The following ZAP70 variants were observed in gnomAD, a reference collection of about 807,000 sequenced individuals.
The protein encoded by ZAP70 is zeta chain of T cell receptor associated protein kinase 70.
Under a neutral mutation model 65.8 loss-of-function variants are expected in ZAP70, and 27 were observed. That is an observed-to-expected ratio of 0.41 (90% CI 0.30 to 0.57). The LOEUF (loss-of-function observed/expected upper bound fraction) is 0.57. ZAP70 is among the 20% of genes least tolerant of loss of function. The pLI is 0.28. For missense variants in ZAP70, 696 were observed against 870.5 expected (o/e 0.80, Z 2.52); for synonymous variants, 363 against 360.8 (o/e 1.01, Z -0.07).
chr2:97,746,228 A>T, the ZAP70 span, among the ~76,000 whole-genome samples: 1 of 152,232 alleles, frequency 6.6e-6, no homozygotes, highest in Non-Finnish European at 1.5e-5. Flanking sequence ...ATGATGGAAA[A>T]GTTCGGAAAT....
intron 1 of ZAP70, 55 bp from the exon 2 acceptor site, chr2:97,713,861 G>T (rs892886225): frequency 1.3e-5 from 2 of 152,566 alleles, no homozygotes; most frequent in African/African-American, 4.8e-5. Flanking sequence ...CAGGCTGGGG[G>T]CTTGGGCTGC....
In ZAP70 at chr2:97,717,433, T is replaced by C. The variant is rs1378412190; in HGVS notation, c.-22+3439T>C. On this transcript the variant is annotated intron_variant, in intron 2 of 13. Transcript: ENST00000264972. ...CTCTGAGCCTCTGGCTGGGGTGACA[T>C]GTGGAGCCTCTGGCTGGGGGGACAC... 6.9e-5 allele frequency among the ~76,000 whole-genome samples: 9 copies of C among 131,152 alleles called. 1 individual carries two copies. The highest frequency in any genetic ancestry group is 2.3e-4 in the East Asian group (1 of 4,298). The allele number at this position is 131,152 out of a possible 152,430, so 86.0% of individuals were successfully genotyped here.
intron 10 of ZAP70, among the ~76,000 whole-genome samples, chr2:97,735,813 A>G (rs747200739): frequency 2.6e-5 from 4 of 152,178 alleles, no homozygotes; most frequent in African/African-American, 9.7e-5. Flanking sequence ...AGAGATCCAG[A>G]CCATCCTGGC....
At chr2:97,716,631 C>T (rs1024395809) in intron 2 of ZAP70, among the ~76,000 whole-genome samples, 19 of 152,150 alleles carry the variant, frequency 1.2e-4, no homozygotes, top group Non-Finnish European at 2.4e-4. Flanking sequence ...AGTACAAAGG[C>T]CCTGAGGCTG....
chr2:97,717,076 A>G (rs1044983307), intron 2 of ZAP70, among the ~76,000 whole-genome samples: 6 of 152,240 alleles, frequency 3.9e-5, no homozygotes, highest in African/African-American at 1.4e-4. Flanking sequence ...GGCGTCACCA[A>G]GCTGGCGTGT....
chr2:97,720,960 C>A (rs1677131327), intron 2 of ZAP70, among the ~76,000 whole-genome samples: 2 of 152,168 alleles, frequency 1.3e-5, no homozygotes, highest in Admixed American at 1.3e-4. Context: ...CAAAAGCATT[C>A]ATTTTACCCC....
Position 97,739,595 on chromosome 2 carries a change from CCA to C in ZAP70, c.*104_*105del. 1 of 1,506,324 alleles carries C rather than the reference CCA, an allele frequency of 6.6e-7. No individual in the cohort carries two copies. Among genetic ancestry groups the C allele is most frequent in the Non-Finnish European group, 8.9e-7 (1 of 1,118,420 alleles). The allele number at this position is 1,506,324 out of a possible 1,614,324, so 93.3% of individuals were successfully genotyped here. A position where few individuals can be genotyped will look rare whatever the true frequency, so the allele number is the denominator to read the frequency against. Reference sequence around the variant, plus strand: ...CTGGCTGAGCCCTGCTTGGTTGTCTCCACACACAGCTGGGCTGTGGTAGGGGG... The same window carrying C: ...CTGGCTGAGCCCTGCTTGGTTGTCTCCACACAGCTGGGCTGTGGTAGGGGG... On this transcript the variant is annotated 3_prime_UTR_variant, in exon 14 of 14. Transcript: ENST00000264972.
chr2:97,746,832 A>G, the ZAP70 span, among the ~76,000 whole-genome samples: 1 of 152,228 alleles, frequency 6.6e-6, no homozygotes, highest in African/African-American at 2.4e-5. Flanking sequence ...TATATTGGGG[A>G]AGAATCTAAC....
the ZAP70 span, among the ~76,000 whole-genome samples, chr2:97,746,424 T>C: frequency 6.6e-6 from 1 of 152,188 alleles, no homozygotes; most frequent in Non-Finnish European, 1.5e-5. Flanking sequence ...TAAAATACAA[T>C]GGAAGGTCTC....
chr2:97,726,063 C>T (rs922364214), intron 4 of ZAP70, among the ~76,000 whole-genome samples: 1 of 152,122 alleles, frequency 6.6e-6, no homozygotes, highest in Non-Finnish European at 1.5e-5. Context: ...AGCAGTACCT[C>T]CCCTCAGGAT....
intron 4 of ZAP70, among the ~76,000 whole-genome samples, chr2:97,729,267 G>A (rs1677510192): frequency 6.6e-6 from 1 of 152,214 alleles, no homozygotes; most frequent in African/African-American, 2.4e-5. Flanking sequence ...AGGAAACCGA[G>A]GCACAGCGAG....
At chr2:97,753,647 G>T in the ZAP70 span, among the ~76,000 whole-genome samples, 3 of 152,022 alleles carry the variant, frequency 2.0e-5, no homozygotes, top group Non-Finnish European at 4.4e-5. Context: ...ATTTAAAAAA[G>T]ATTATACCTT....
In ZAP70 at chr2:97,735,468, G is replaced by T; in HGVS notation, c.1289+12G>T. 1 of 1,604,622 alleles carries T rather than the reference G, an allele frequency of 6.2e-7. No individual in the cohort carries two copies. Among genetic ancestry groups the T allele is most frequent in the Non-Finnish European group, 8.5e-7 (1 of 1,173,924 alleles). On this transcript the variant is annotated intron_variant, in intron 10 of 13. Transcript: ENST00000264972. ...CTGGTCGGCAAGAGGTGAGCACCGG[G>T]TGGGCCCGGCCATCGGGTGGGTGGG...
chr2:97,720,644 G>A (rs888155890), intron 2 of ZAP70, among the ~76,000 whole-genome samples: 9 of 152,168 alleles, frequency 5.9e-5, no homozygotes, highest in African/African-American at 1.4e-4. Flanking sequence ...GAGCCACTTC[G>A]CCCAGCCGCT....
Position 97,733,321 on chromosome 2 carries a change from C to G in ZAP70, c.815C>G (p.Ala272Gly), listed in dbSNP as rs1677697403. Residue 272 changes from alanine to glycine, a missense_variant, in exon 7 of 14, where the codon GCC becomes GGC. This residue lies in a region of ZAP70 where 551 missense variants were observed against 630.0 expected (regional missense o/e 0.87). Transcript: ENST00000264972. ...GGGGCTGCTGCTCCCACACTCCCAGCCCACCCATCCACGTTGACTCATGTG... is the reference window on the plus strand; with the variant it reads ...GGGGCTGCTGCTCCCACACTCCCAGGCCACCCATCCACGTTGACTCATGTG... ...ASGAAAPTLP[A>G]HPSTLTHPQR... is the part of the protein sequence containing the mutation. 2 of 1,597,600 alleles carry G rather than the reference C, an allele frequency of 1.3e-6. No individual in the cohort carries two copies.
intron 2 of ZAP70, among the ~76,000 whole-genome samples, chr2:97,720,504 CGG>C (rs200591115): frequency 0.082 from 12,430 of 152,152 alleles, 585 homozygotes; most frequent in Middle Eastern, 0.16. Context: ...TGTGGGCCAC[CGG>C]GCCCAGCCAT....
downstream of ZAP70, among the ~76,000 whole-genome samples, chr2:97,744,088 C>T (rs1678190020): frequency 6.6e-6 from 1 of 152,200 alleles, no homozygotes; most frequent in Admixed American, 6.5e-5. Context: ...ACAGATGAGG[C>T]ACCGGAAGTT....
Position 97,719,562 on chromosome 2 carries a change from G to A in ZAP70, c.-21-4454G>A, listed in dbSNP as rs75790961. 1.7e-3 allele frequency among the ~76,000 whole-genome samples: 257 copies of A among 148,534 alleles called. 1 individual carries two copies. The highest frequency in any genetic ancestry group is 2.7e-3 in the Non-Finnish European group (181 of 67,350). On this transcript the variant is annotated intron_variant, in intron 2 of 13. Transcript: ENST00000264972. The stretch of plus-strand genomic sequence containing the variant: ...GTGCTGGAGAACAGCCTGGGGGGGG[G>A]GCGCAGACCAGGTCTGGCTGAGAGG...
chr2:97,716,674 G>A (rs1289094719), intron 2 of ZAP70, among the ~76,000 whole-genome samples: 2 of 152,096 alleles, frequency 1.3e-5, no homozygotes, highest in African/African-American at 2.4e-5. Flanking sequence ...GGACCTGAAC[G>A]AATAACATGA....
Sources: allele counts gnomAD v4.1 joint callset (sites outside exome capture counted in the v4.1 genomes callset), GRCh38; gene constraint gnomAD v4.1.1; regional missense constraint gnomAD v4.1.1; transcripts MANE v1.5; gene names NCBI Gene and HGNC (gene_info 2026-07-23, HGNC 2026-07-21).